The following KIRREL3 variants were observed in gnomAD, a reference collection of about 807,000 sequenced individuals.
KIRREL3 encodes the protein kin of IRRE-like protein 3.
KIRREL3 carries 36 observed loss-of-function variants against 89.7 expected under a neutral mutation model. That is an observed-to-expected ratio of 0.40 (90% CI 0.31 to 0.53). The LOEUF (loss-of-function observed/expected upper bound fraction) is 0.53. Ranked by LOEUF, KIRREL3 falls within the 20% of genes least tolerant of loss-of-function variation. KIRREL3 has a pLI of 0.49. For missense variants in KIRREL3, 864 were observed against 1,056.6 expected (o/e 0.82, Z 2.53); for synonymous variants, 445 against 441.4 (o/e 1.01, Z -0.10).
intron 1 of KIRREL3, among the ~76,000 whole-genome samples, chr11:126,618,603 T>C (rs1474360369): frequency 6.6e-6 from 1 of 152,124 alleles, no homozygotes; most frequent in Admixed American, 6.5e-5. Context: ...CCTGGCTAAT[T>C]TTTATGTCTT....
Position 126,740,007 on chromosome 11 carries a change from G to A in KIRREL3, c.56-177095C>T, listed in dbSNP as rs1455324240. On this transcript the variant is annotated intron_variant, in intron 1 of 16. Coordinates refer to ENST00000525144, the MANE Select transcript of KIRREL3 (RefSeq NM_032531.4). The surrounding 1 kb of genome is among the most constrained non-coding windows in gnomAD (Gnocchi z 6.0). ...CTGAATTTGTCATGACTCACTGGAG[G>A]GTAGGGTGTATGGAGGGAGGGGGCA... Among the ~76,000 whole-genome samples the A allele has an allele frequency of 6.6e-6, 1 of 152,124 alleles. No homozygotes were observed. Among genetic ancestry groups the A allele is most frequent in the Non-Finnish European group, 1.5e-5 (1 of 68,024 alleles).
Position 126,892,400 on chromosome 11 carries a change from TA to T in KIRREL3, c.55+108054del. Among the ~76,000 whole-genome samples the T allele has an allele frequency of 6.6e-6, 1 of 152,312 alleles. No individual in the cohort carries two copies. Among genetic ancestry groups the T allele is most frequent in the Admixed American group, 6.5e-5 (1 of 15,300 alleles). ...GTTTGTAAGTTTTATGACTCGATTT[TA>T]ATCTGTACCATTTAGGATATGCTCA... is the stretch of plus-strand genomic sequence containing the variant. On this transcript the variant is annotated intron_variant, in intron 1 of 16. Coordinates refer to ENST00000525144, the MANE Select transcript of KIRREL3 (RefSeq NM_032531.4). The surrounding 1 kb of genome is among the most constrained non-coding windows in gnomAD (Gnocchi z 5.4).
Position 126,953,261 on chromosome 11 carries a change from C to T in KIRREL3, c.55+47194G>A, listed in dbSNP as rs1948820443. 6.6e-6 allele frequency among the ~76,000 whole-genome samples: 1 copy of T among 151,746 alleles called. No homozygotes were observed. Among genetic ancestry groups the T allele is most frequent in the Non-Finnish European group, 1.5e-5 (1 of 68,008 alleles). Reference sequence around the variant, plus strand: ...GAAAACCAAATATCACATGTTCTCACTCATAAGTGGGTGTCGAACAATGAG... The same window carrying T: ...GAAAACCAAATATCACATGTTCTCATTCATAAGTGGGTGTCGAACAATGAG... On this transcript the variant is annotated intron_variant, in intron 1 of 16. Transcript: ENST00000525144. The surrounding 1 kb of genome is among the most constrained non-coding windows in gnomAD (Gnocchi z 5.2).
At chr11:126,832,460 C>A (rs1191340883) in intron 1 of KIRREL3, among the ~76,000 whole-genome samples, 1 of 152,210 alleles carries the variant, frequency 6.6e-6, no homozygotes, top group African/African-American at 2.4e-5. Context: ...AAGGCAACCT[C>A]CTCCCTTTCC....
At chr11:126,665,892 G>A (rs1945640435) in intron 1 of KIRREL3, among the ~76,000 whole-genome samples, 1 of 152,124 alleles carries the variant, frequency 6.6e-6, no homozygotes, top group Non-Finnish European at 1.5e-5. Context: ...TTGTAAAACT[G>A]GAATCATAAT....
At position 126,463,157 on chromosome 11, in the gene KIRREL3, G is replaced by A. The variant is rs199541555; in HGVS notation, c.742C>T (p.His248Tyr). The A allele has an allele frequency of 2.8e-5, 45 of 1,612,590 alleles. No individual in the cohort carries two copies. Among genetic ancestry groups the A allele is most frequent in the Middle Eastern group, 3.7e-4 (2 of 5,384 alleles). ...KETSVTIDIQ[H>Y]PPLVNLSVEP... ...GTTGGGGGAGGGGGTGGGTACTCAC[G>A]CTGGATGTCAATGGTGACCGACGTC... The change falls in exon 6 of 17, where the codon CAC becomes TAC. Residue 248 changes from histidine (H) to tyrosine (Y), a missense_variant and splice_region_variant. Physicochemically the swap from His to Tyr is moderately conservative, Grantham distance 83. Transcript: ENST00000525144. The surrounding 1 kb of genome is among the most constrained non-coding windows in gnomAD (Gnocchi z 5.9).
In KIRREL3 at chr11:126,727,074, T is replaced by C. The variant is rs549569214; in HGVS notation, c.56-164162A>G. Reference sequence around the variant, plus strand: ...TCTTCCCTGGCAGATGGAGTGCTTCTGAAAGGCAGAGACTTAGCTTTGAAT... The same window carrying C: ...TCTTCCCTGGCAGATGGAGTGCTTCCGAAAGGCAGAGACTTAGCTTTGAAT... On this transcript the variant is annotated intron_variant, in intron 1 of 16. Coordinates refer to ENST00000525144, the MANE Select transcript of KIRREL3 (RefSeq NM_032531.4). Among the ~76,000 whole-genome samples, 7 of 152,186 alleles carry C rather than the reference T, an allele frequency of 4.6e-5. No homozygotes were observed. In the South Asian group the frequency reaches 1.4e-3, roughly 31 times the overall value.
intron 2 of KIRREL3, among the ~76,000 whole-genome samples, chr11:126,554,918 C>T (rs1357756405): frequency 2.0e-5 from 3 of 152,168 alleles, no homozygotes; most frequent in Non-Finnish European, 2.9e-5. Context: ...AGGGCAGCAA[C>T]TGGGCATCGG....
chr11:126,511,855 C>T (rs1958232605), intron 4 of KIRREL3, among the ~76,000 whole-genome samples: 1 of 152,234 alleles, frequency 6.6e-6, no homozygotes, highest in Non-Finnish European at 1.5e-5. Context: ...TGTTTTGGGC[C>T]TGGGCTGAGG....
chr11:126,708,672 C>G lies in KIRREL3; in HGVS notation c.56-145760G>C, dbSNP rs955992267. Reference sequence around the variant, plus strand: ...AGAGCGGCACTCCCACCTGGGCACTCCTTGCTGATGGACCGGGACCTCCTC... The same window carrying G: ...AGAGCGGCACTCCCACCTGGGCACTGCTTGCTGATGGACCGGGACCTCCTC... On this transcript the variant is annotated intron_variant, in intron 1 of 16. Coordinates refer to ENST00000525144, the MANE Select transcript of KIRREL3 (RefSeq NM_032531.4). The surrounding 1 kb of genome is among the most constrained non-coding windows in gnomAD (Gnocchi z 5.7). 9.2e-5 allele frequency among the ~76,000 whole-genome samples: 14 copies of G among 152,196 alleles called. No individual in the cohort carries two copies. Among genetic ancestry groups the G allele is most frequent in the Non-Finnish European group, 2.1e-4 (14 of 68,032 alleles).
In KIRREL3 at chr11:126,996,710, A is replaced by G. The variant is rs1410544332; in HGVS notation, c.55+3745T>C. ...GTGTTTCCAGCCAGGCAGGAGAGCA[A>G]GTGGGCTGCTTAGATTCTTCCCAGT... On this transcript the variant is annotated intron_variant, in intron 1 of 16. Coordinates refer to ENST00000525144, the MANE Select transcript of KIRREL3 (RefSeq NM_032531.4). This position sits in a 1 kb window ranked among gnomAD's most constrained non-coding sequence, Gnocchi z 4.7. 6.6e-6 allele frequency among the ~76,000 whole-genome samples: 1 copy of G among 152,166 alleles called. No individual in the cohort carries two copies. The highest frequency in any genetic ancestry group is 1.5e-5 in the Non-Finnish European group (1 of 68,032).
At chr11:126,859,144 A>C (rs1944629114) in intron 1 of KIRREL3, among the ~76,000 whole-genome samples, 1 of 152,242 alleles carries the variant, frequency 6.6e-6, no homozygotes, top group Non-Finnish European at 1.5e-5. Flanking sequence ...AGACTTTATA[A>C]TATACCAAAG....
chr11:126,590,420 C>A (rs1478189507), intron 1 of KIRREL3, among the ~76,000 whole-genome samples: 1 of 152,196 alleles, frequency 6.6e-6, no homozygotes, highest in Non-Finnish European at 1.5e-5. Flanking sequence ...TGCCTTAAAT[C>A]CCTAAGTCTT....
rs564882663 is a variant in KIRREL3 at position 126,734,208 on chromosome 11, C to T, written c.56-171296G>A. 6.6e-6 allele frequency among the ~76,000 whole-genome samples: 1 copy of T among 152,220 alleles called. No homozygotes were observed. Among genetic ancestry groups the T allele is most frequent in the African/African-American group, 2.4e-5 (1 of 41,458 alleles). On this transcript the variant is annotated intron_variant, in intron 1 of 16. Transcript: ENST00000525144. This position sits in a 1 kb window ranked among gnomAD's most constrained non-coding sequence, Gnocchi z 5.9. ...AGAAAATAGGCATTTCACGGCTGTT[C>T]TCTCCCAAGTCCCATGCTTTCATCA...
chr11:127,002,614 C>T (rs941475005), upstream of KIRREL3, among the ~76,000 whole-genome samples: 1 of 152,158 alleles, frequency 6.6e-6, no homozygotes, highest in African/African-American at 2.4e-5. Context: ...TTGCATTAAG[C>T]CTATGGGGTT....
At position 126,429,252 on chromosome 11, in the gene KIRREL3, C is replaced by T. The variant is rs755403705; in HGVS notation, c.1733G>A (p.Arg578Gln). ...TGGTTCCTTGTGGACAATTTCCACT[C>T]GGATATCATTTTTGGCTGACACAAC... is the stretch of plus-strand genomic sequence containing the variant. ...KGVVSAKNDI[R>Q]VEIVHKEPAS... Residue 578 changes from arginine (R) to glutamine (Q), a missense_variant, in exon 15 of 17, where the codon CGA (arginine) becomes CAA (glutamine). Transcript: ENST00000525144. This position sits in a 1 kb window ranked among gnomAD's most constrained non-coding sequence, Gnocchi z 5.2. 31 of 1,613,642 alleles carry T rather than the reference C, an allele frequency of 1.9e-5. No homozygotes were observed. The East Asian group carries it at 2.5e-4, about 13-fold the overall frequency.
intron 1 of KIRREL3, among the ~76,000 whole-genome samples, chr11:126,692,151 C>T (rs895795045): frequency 1.3e-5 from 2 of 152,160 alleles, no homozygotes; most frequent in African/African-American, 4.8e-5. Flanking sequence ...CCATCTGATG[C>T]AGCAGTTCCA....
In KIRREL3 at chr11:126,537,139, G is replaced by A. The variant is rs916213486; in HGVS notation, c.134-10452C>T. On this transcript the variant is annotated intron_variant, in intron 2 of 16. Transcript: ENST00000525144. This position sits in a 1 kb window ranked among gnomAD's most constrained non-coding sequence, Gnocchi z 4.3. ...CCAGTCAGACCTGGACAGGAAGTGA[G>A]GGTCACTAATATAAGGATGGAAATG... is the stretch of plus-strand genomic sequence containing the variant. 2.6e-5 allele frequency among the ~76,000 whole-genome samples: 4 copies of A among 152,184 alleles called. No homozygotes were observed. Among genetic ancestry groups the A allele is most frequent in the Admixed American group, 6.5e-5 (1 of 15,278 alleles).
In KIRREL3 at chr11:126,697,736, C is replaced by T. The variant is rs760250369; in HGVS notation, c.56-134824G>A. ...CACTTGCCGGGGACTCAGCTTCTCCCGGGGCCTCCGGGTGGGTCCCATGAT... is the reference window on the plus strand; with the variant it reads ...CACTTGCCGGGGACTCAGCTTCTCCTGGGGCCTCCGGGTGGGTCCCATGAT... On this transcript the variant is annotated intron_variant, in intron 1 of 16. Coordinates refer to ENST00000525144, the MANE Select transcript of KIRREL3 (RefSeq NM_032531.4). The surrounding 1 kb of genome is among the most constrained non-coding windows in gnomAD (Gnocchi z 4.2). Among the ~76,000 whole-genome samples, 10 of 152,338 alleles carry T rather than the reference C, an allele frequency of 6.6e-5. No individual in the cohort carries two copies. The highest frequency in any genetic ancestry group is 2.1e-4 in the South Asian group (1 of 4,828).
Sources: gnomAD v4.1 joint callset for allele counts (sites outside exome capture counted in the v4.1 genomes callset) on GRCh38, gnomAD v4.1.1 for gene constraint, Gnocchi (gnomAD v3.1) non-coding constraint, MANE v1.5 for transcripts, NCBI Gene and HGNC (gene_info 2026-07-23, HGNC 2026-07-21) for gene names.